Variants in OSBPL10 observed in about 807,000 individuals in gnomAD.
The protein encoded by OSBPL10 is oxysterol-binding protein-related protein 10.
Under a neutral mutation model 81.7 loss-of-function variants are expected in OSBPL10, and 49 were observed. The observed-to-expected ratio is 0.60, with a 90% CI of 0.48 to 0.76. The LOEUF is 0.76. Ranked by LOEUF, OSBPL10 falls within the 30% of genes least tolerant of loss-of-function variation. OSBPL10 has a pLI of 0.00. For synonymous variants in OSBPL10, 419 were observed against 383.6 expected, an observed-to-expected ratio of 1.09 and a Z score of -1.08; for missense variants, 923 against 987.8, an observed-to-expected ratio of 0.93 and a Z score of 0.88.
intron 8 of OSBPL10, among the ~76,000 whole-genome samples, chr3:31,676,323 T>C (rs796707446): frequency 1.3e-5 from 2 of 152,058 alleles, no homozygotes; most frequent in African/African-American, 4.8e-5. Flanking sequence ...AAAAGACATA[T>C]TAAAATTAGA....
chr3:32,008,399 C>T (rs1413039550), intron 2 of OSBPL10, among the ~76,000 whole-genome samples: 5 of 151,718 alleles, frequency 3.3e-5, no homozygotes, highest in South Asian at 2.1e-4. Flanking sequence ...GTGATGCACC[C>T]GCCTTGGCTT....
Position 31,684,058 on chromosome 3 carries a change from A to G in OSBPL10, c.1302T>C (p.Asp434=). The G allele has an allele frequency of 6.2e-7, 1 of 1,614,216 alleles. No individual in the cohort carries two copies. Among genetic ancestry groups the G allele is most frequent in the South Asian group, 1.1e-5 (1 of 91,086 alleles). ...GCAGTAGGTCTGGGTGCGCCATGAA[A>G]TCTGCATACATCTCCAGCAAAGATC... is the stretch of plus-strand genomic sequence containing the variant. ...EKRSLLEMYA[D]FMAHPDLLLA... The change falls in exon 8 of 12, where the codon GAT becomes GAC. Residue 434 remains aspartate (D), a synonymous_variant. Coordinates refer to ENST00000396556, the MANE Select transcript of OSBPL10 (RefSeq NM_017784.5).
chr3:31,715,338 C>T (rs757468028), intron 6 of OSBPL10, among the ~76,000 whole-genome samples: 3 of 152,182 alleles, frequency 2.0e-5, no homozygotes, highest in Non-Finnish European at 4.4e-5. Context: ...GGTGCTCTAA[C>T]TTTTGATGGC....
At chr3:32,057,875 G>A (rs1699725006) in intron 1 of OSBPL10, among the ~76,000 whole-genome samples, 1 of 152,202 alleles carries the variant, frequency 6.6e-6, no homozygotes, top group Non-Finnish European at 1.5e-5. Context: ...GTACACAGCT[G>A]AGACACATAA....
chr3:31,745,648 G>C (rs1023170639), intron 5 of OSBPL10, among the ~76,000 whole-genome samples: 1 of 152,144 alleles, frequency 6.6e-6, no homozygotes, highest in African/African-American at 2.4e-5. Context: ...AAAGAGCCTG[G>C]TTCTGCCCTC....
At chr3:31,700,486 A>G (rs1177987482) in intron 7 of OSBPL10, 1 of 151,982 alleles carries the variant, frequency 6.6e-6, no homozygotes, top group African/African-American at 2.4e-5. Flanking sequence ...ATAAACATTA[A>G]AAAAAAATCC....
In OSBPL10 at chr3:31,736,267, T is replaced by G. The variant is rs563407328; in HGVS notation, c.941-2856A>C. Among the ~76,000 whole-genome samples the G allele has an allele frequency of 1.1e-3, 167 of 152,280 alleles. 1 individual carries two copies. The highest frequency in any genetic ancestry group is 3.9e-3 in the African/African-American group (161 of 41,560). On this transcript the variant is annotated intron_variant, in intron 5 of 11. Coordinates refer to ENST00000396556, the MANE Select transcript of OSBPL10 (RefSeq NM_017784.5). The stretch of plus-strand genomic sequence containing the variant: ...GTGTACTGAGATGTACACATAAAAA[T>G]GGTCAGGATGATGCATTTTATGTTA...
At chr3:31,667,489 C>T in intron 10 of OSBPL10, among the ~76,000 whole-genome samples, 1 of 152,208 alleles carries the variant, frequency 6.6e-6, no homozygotes, top group South Asian at 2.1e-4. Context: ...ACTGTGGTAT[C>T]CCTGCTTTGT....
chr3:31,861,151 A>T (rs1255105368), intron 3 of OSBPL10, among the ~76,000 whole-genome samples: 2 of 152,140 alleles, frequency 1.3e-5, no homozygotes, highest in Non-Finnish European at 2.9e-5. Flanking sequence ...GTTTTTAATC[A>T]ATGTGTTTAT....
At chr3:32,011,976 C>G (rs1321587048) in intron 2 of OSBPL10, among the ~76,000 whole-genome samples, 1 of 152,162 alleles carries the variant, frequency 6.6e-6, no homozygotes, top group Admixed American at 6.5e-5. Flanking sequence ...ATTGGTGTAC[C>G]TGAAAGTGAC....
At chr3:31,905,054 T>C (rs1388652446) in intron 1 of OSBPL10, among the ~76,000 whole-genome samples, 1 of 152,208 alleles carries the variant, frequency 6.6e-6, no homozygotes. Context: ...GAGGGTGAAG[T>C]AAGTTATTTG....
At chr3:31,782,888 G>C (rs1167103082) in intron 4 of OSBPL10, among the ~76,000 whole-genome samples, 1 of 151,954 alleles carries the variant, frequency 6.6e-6, no homozygotes, top group Non-Finnish European at 1.5e-5. Flanking sequence ...GACATTCCTT[G>C]AAGTACTAAA....
intron 6 of OSBPL10, among the ~76,000 whole-genome samples, chr3:31,721,940 T>C (rs906154021): frequency 2.6e-5 from 4 of 152,160 alleles, no homozygotes; most frequent in African/African-American, 9.7e-5. Flanking sequence ...CATGCAATCA[T>C]TGAAAGAGTT....
intron 4 of OSBPL10, among the ~76,000 whole-genome samples, chr3:31,768,888 A>C (rs1698277026): frequency 6.6e-6 from 1 of 152,218 alleles, no homozygotes; most frequent in African/African-American, 2.4e-5. Flanking sequence ...TACCCCTTAA[A>C]GGGTCTTAGA....
intron 2 of OSBPL10, among the ~76,000 whole-genome samples, chr3:32,038,963 A>G (rs1047721961): frequency 6.6e-6 from 1 of 152,056 alleles, no homozygotes; most frequent in East Asian, 1.9e-4. Flanking sequence ...GAGACAAAAT[A>G]AAAAAAATTA....
intron 3 of OSBPL10, among the ~76,000 whole-genome samples, chr3:31,843,474 T>C (rs60327022): frequency 0.015 from 2,282 of 152,318 alleles, 50 homozygotes; most frequent in African/African-American, 0.053. Context: ...TATTCTACTC[T>C]TCCGGGATGA....
intron 1 of OSBPL10, among the ~76,000 whole-genome samples, chr3:31,909,955 A>G (rs1696525819): frequency 6.6e-6 from 1 of 151,582 alleles, no homozygotes; most frequent in Admixed American, 6.6e-5. Flanking sequence ...TGTGTAAGAC[A>G]ATCATTTTGC....
At chr3:32,026,215 G>A (rs1575087965) in intron 2 of OSBPL10, among the ~76,000 whole-genome samples, 1 of 152,044 alleles carries the variant, frequency 6.6e-6, no homozygotes, top group Admixed American at 6.6e-5. Flanking sequence ...ATAGTTCACT[G>A]TAACCTTAAA....
At chr3:31,974,600 C>T (rs968194264) in intron 1 of OSBPL10, among the ~76,000 whole-genome samples, 1 of 152,188 alleles carries the variant, frequency 6.6e-6, no homozygotes, top group African/African-American at 2.4e-5. Flanking sequence ...ATGCGTAAGC[C>T]TCCCAAACAT....
Sources: gnomAD v4.1 joint callset for allele counts (sites outside exome capture counted in the v4.1 genomes callset) on GRCh38, gnomAD v4.1.1 for gene constraint, MANE v1.5 for transcripts, NCBI Gene and HGNC (gene_info 2026-07-23, HGNC 2026-07-21) for gene names.